The following ENTREP2 variants were observed in gnomAD, a reference collection of about 807,000 sequenced individuals.
ENTREP2 encodes protein ENTREP2.
At chr15:29,587,115 G>A in the ENTREP2 span, among the ~76,000 whole-genome samples, 2 of 43,044 alleles carry the variant, frequency 4.6e-5, no homozygotes, top group Non-Finnish European at 9.0e-5. Context: ...GAGTTCATGA[G>A]ATAGGCTATC....
chr15:29,128,852 C>T, the ENTREP2 span: 1 of 1,550,558 alleles, frequency 6.4e-7, no homozygotes, highest in Non-Finnish European at 8.7e-7. Flanking sequence ...ACCTGCTGAC[C>T]TATACTTGTA....
At chr15:29,670,594 C>T in the ENTREP2 span, among the ~76,000 whole-genome samples, 4 of 152,290 alleles carry the variant, frequency 2.6e-5, no homozygotes, top group South Asian at 2.1e-4. Context: ...AATTATTACA[C>T]GCTGAAGCAG....
chr15:29,263,565 TAATC>T, the ENTREP2 span, among the ~76,000 whole-genome samples: 50 of 152,318 alleles, frequency 3.3e-4, no homozygotes, highest in African/African-American at 1.1e-3. Context: ...TAAGAGGAAT[TAATC>T]AAATAAGTAA....
At chr15:29,577,313 GGTGTGTGTGTGTGT>G in the ENTREP2 span, among the ~76,000 whole-genome samples, 24,237 of 139,872 alleles carry the variant, frequency 0.17, 2,879 homozygotes, top group East Asian at 0.51. Context: ...GACTCAAAGA[GGTGTGTGTGTGTGT>G]GTGTGTGTGT....
chr15:29,235,752 T>C, the ENTREP2 span, among the ~76,000 whole-genome samples: 1 of 151,884 alleles, frequency 6.6e-6, no homozygotes, highest in African/African-American at 2.4e-5. Flanking sequence ...GATCACGAGG[T>C]CAGGAATTCA....
the ENTREP2 span, among the ~76,000 whole-genome samples, chr15:29,537,622 C>T: frequency 9.7e-3 from 1,480 of 152,294 alleles, 16 homozygotes; most frequent in African/African-American, 0.034. Context: ...CTGGAATCTC[C>T]ACTTTGCGAC....
At chr15:29,235,238 T>G in the ENTREP2 span, 2 of 530,020 alleles carry the variant, frequency 3.8e-6, no homozygotes, top group African/African-American at 3.9e-5. Flanking sequence ...ATAGAACATT[T>G]AAAAAAATAA....
At chr15:29,452,360 A>G in the ENTREP2 span, among the ~76,000 whole-genome samples, 44 of 152,334 alleles carry the variant, frequency 2.9e-4, no homozygotes, top group African/African-American at 9.9e-4. Context: ...AGAGAAGGGA[A>G]GCCATAGCCC....
chr15:29,619,616 A>G, the ENTREP2 span, among the ~76,000 whole-genome samples: 39,359 of 151,908 alleles, frequency 0.26, 6,911 homozygotes, highest in African/African-American at 0.49. Flanking sequence ...TGCCTGTGAA[A>G]GACAAAGTGT....
the ENTREP2 span, among the ~76,000 whole-genome samples, chr15:29,312,467 C>T: frequency 3.9e-5 from 6 of 152,264 alleles, no homozygotes; most frequent in African/African-American, 1.4e-4. Context: ...AGGTTTGTGG[C>T]AGCCCTATAT....
At chr15:29,180,467 C>A in the ENTREP2 span, among the ~76,000 whole-genome samples, 3 of 152,110 alleles carry the variant, frequency 2.0e-5, no homozygotes, top group Non-Finnish European at 4.4e-5. Context: ...GAGTTCAAGA[C>A]CAGCCTGACC....
chr15:29,296,473 C>A, the ENTREP2 span, among the ~76,000 whole-genome samples: 1 of 152,030 alleles, frequency 6.6e-6, no homozygotes, highest in Non-Finnish European at 1.5e-5. Context: ...AAAAAGAGAT[C>A]CTTTAAAAAA....
chr15:29,653,168 C>T, the ENTREP2 span, among the ~76,000 whole-genome samples: 18 of 152,146 alleles, frequency 1.2e-4, no homozygotes, highest in Non-Finnish European at 1.8e-4. Context: ...AAACAAAAAA[C>T]TCCAGATGAA....
chr15:29,312,875 G>C, the ENTREP2 span, among the ~76,000 whole-genome samples: 1 of 152,186 alleles, frequency 6.6e-6, no homozygotes, highest in Admixed American at 6.5e-5. Context: ...AGTGAGGAAG[G>C]CATGTTAAAA....
the ENTREP2 span, chr15:29,196,390 G>C: frequency 7.1e-6 from 11 of 1,543,136 alleles, no homozygotes; most frequent in African/African-American, 1.4e-4. Flanking sequence ...TGTAAGGCAT[G>C]GAATGAAATG....
At chr15:29,157,457 A>G in the ENTREP2 span, among the ~76,000 whole-genome samples, 1 of 152,170 alleles carries the variant, frequency 6.6e-6, no homozygotes, top group Admixed American at 6.5e-5. Flanking sequence ...GTTTTCCTCT[A>G]AGTGACATGA....
the ENTREP2 span, among the ~76,000 whole-genome samples, chr15:29,202,596 T>C: frequency 6.6e-6 from 1 of 152,154 alleles, no homozygotes; most frequent in African/African-American, 2.4e-5. Flanking sequence ...TTTTAAGCCC[T>C]GCATGCATTA....
At chr15:29,423,496 A>G in the ENTREP2 span, among the ~76,000 whole-genome samples, 1 of 152,052 alleles carries the variant, frequency 6.6e-6, no homozygotes, top group Non-Finnish European at 1.5e-5. Flanking sequence ...TTGGTTTACA[A>G]AGTTTATTTG....
At chr15:29,360,573 C>A in the ENTREP2 span, among the ~76,000 whole-genome samples, 2 of 152,212 alleles carry the variant, frequency 1.3e-5, no homozygotes, top group Non-Finnish European at 2.9e-5. Context: ...CCTCACATAG[C>A]AAAACATACA....
Sources: gnomAD v4.1 joint callset for allele counts (sites outside exome capture counted in the v4.1 genomes callset) on GRCh38, gnomAD v4.1.1 for gene constraint, MANE v1.5 for transcripts, NCBI Gene and HGNC (gene_info 2026-07-23, HGNC 2026-07-21) for gene names.